The following ELAVL2 variants were observed in gnomAD, a reference collection of about 807,000 sequenced individuals.
ELAVL2 encodes ELAV-like protein 2.
A neutral mutation model predicts 34.6 loss-of-function variants in ELAVL2; 4 were observed. The ratio of observed to expected loss-of-function variants is 0.12; its 90% CI spans 0.06 to 0.26. The LOEUF (loss-of-function observed/expected upper bound fraction) is 0.26. ELAVL2 is among the 10% of genes least tolerant of loss of function. The probability of loss-of-function intolerance (pLI) is 1.00; values close to 1 mark genes in which losing one functional copy is unlikely to be tolerated. For missense variants in ELAVL2, 432 were observed against 442.8 expected (o/e 0.98, Z 0.22); for synonymous variants, 193 against 154.8 (o/e 1.25, Z -1.83).
chr9:23,735,763 G>A (rs1283135754), intron 2 of ELAVL2, among the ~76,000 whole-genome samples: 2 of 152,184 alleles, frequency 1.3e-5, no homozygotes, highest in African/African-American at 2.4e-5. Flanking sequence ...CCTGGCACAA[G>A]GAGAACAGTT....
At position 23,713,751 on chromosome 9, in the gene ELAVL2, G is replaced by C. The variant is rs576541225; in HGVS notation, c.334-8680C>G. ...CAGGTTCAAAAATATATTATACAAA[G>C]CAGAAGAGAATACACTGTAACTGGT... On this transcript the variant is annotated intron_variant, in intron 3 of 6. Transcript: ENST00000397312. Among the ~76,000 whole-genome samples the C allele has an allele frequency of 5.3e-4, 81 of 152,246 alleles. 1 individual carries two copies. Among genetic ancestry groups the C allele is most frequent in the African/African-American group, 1.9e-3 (80 of 41,552 alleles).
chr9:23,752,644 G>A (rs891057246), intron 2 of ELAVL2, among the ~76,000 whole-genome samples: 2 of 151,900 alleles, frequency 1.3e-5, no homozygotes, highest in East Asian at 1.9e-4. Context: ...TAGTAGAGAC[G>A]GGGTTTCACC....
At position 23,722,198 on chromosome 9, in the gene ELAVL2, G is replaced by A. The variant is rs1037293377; in HGVS notation, c.333+8824C>T. On this transcript the variant is annotated intron_variant, in intron 3 of 6. Transcript: ENST00000397312. Reference sequence around the variant, plus strand: ...ATCCATGCTTTTTTAAAGAGTCTACGCAAATTTAAAGAGAGACCAATGTTA... The same window carrying A: ...ATCCATGCTTTTTTAAAGAGTCTACACAAATTTAAAGAGAGACCAATGTTA... 5.9e-5 allele frequency among the ~76,000 whole-genome samples: 9 copies of A among 152,242 alleles called. No individual in the cohort carries two copies. The South Asian group carries it at 1.0e-3, about 18-fold the overall frequency.
intron 1 of ELAVL2, among the ~76,000 whole-genome samples, chr9:23,797,686 G>A (rs1308812287): frequency 5.3e-5 from 8 of 152,224 alleles, no homozygotes; most frequent in African/African-American, 1.9e-4. Context: ...CCAGTACTTT[G>A]GGAGGCTGAG....
At chr9:23,733,484 C>T (rs781438407) in intron 2 of ELAVL2, among the ~76,000 whole-genome samples, 9 of 152,174 alleles carry the variant, frequency 5.9e-5, no homozygotes, top group African/African-American at 1.4e-4. Context: ...GGGGCTACAA[C>T]GGGGCTGCTG....
intron 2 of ELAVL2, among the ~76,000 whole-genome samples, chr9:23,740,179 A>G (rs748087884): frequency 2.0e-5 from 3 of 152,178 alleles, no homozygotes; most frequent in Non-Finnish European, 2.9e-5. Context: ...GCCCATTCCC[A>G]CTGCCCCATA....
At chr9:23,707,490 G>C (rs12552940) in intron 3 of ELAVL2, among the ~76,000 whole-genome samples, 1 of 151,562 alleles carries the variant, frequency 6.6e-6, no homozygotes, top group Non-Finnish European at 1.5e-5. Context: ...ATGGGCTCCA[G>C]GGCAGGCATC....
intron 1 of ELAVL2, among the ~76,000 whole-genome samples, chr9:23,772,815 A>C (rs1254028314): frequency 2.6e-5 from 4 of 152,166 alleles, no homozygotes; most frequent in African/African-American, 9.7e-5. Context: ...TGAGATTCCC[A>C]AGACATGTAT....
chr9:23,727,127 C>T (rs1396265474), intron 3 of ELAVL2, among the ~76,000 whole-genome samples: 1 of 152,078 alleles, frequency 6.6e-6, no homozygotes, highest in Non-Finnish European at 1.5e-5. Flanking sequence ...ACTGGGGATA[C>T]TGTGGGCAGG....
intron 1 of ELAVL2, among the ~76,000 whole-genome samples, chr9:23,766,660 C>T (rs2056320142): frequency 6.6e-6 from 1 of 152,078 alleles, no homozygotes; most frequent in African/African-American, 2.4e-5. Context: ...TGCACTTTTA[C>T]ATTTCAAGCA....
At chr9:23,694,742 C>A (rs1001230886) in intron 5 of ELAVL2, among the ~76,000 whole-genome samples, 1 of 152,202 alleles carries the variant, frequency 6.6e-6, no homozygotes, top group African/African-American at 2.4e-5. Context: ...CACATCCCTG[C>A]CCTCAGTCTC....
At position 23,692,010 on chromosome 9, in the gene ELAVL2, C is replaced by G. The variant is rs958829873; in HGVS notation, c.*547G>C. ...ATAAGCGTTTATAATGTAGCCCCCC[C>G]TTCCCCAACCCAAATCATAATTACA... On this transcript the variant is annotated 3_prime_UTR_variant, in exon 7 of 7. Transcript: ENST00000397312. The G allele has an allele frequency of 1.3e-5, 2 of 152,896 alleles. No individual in the cohort carries two copies. The highest frequency in any genetic ancestry group is 2.9e-5 in the Non-Finnish European group (2 of 68,318). 9.5% of individuals were successfully genotyped at this position (152,896 alleles called of 1,614,324 possible).
At chr9:23,742,636 A>C (rs115010774) in intron 2 of ELAVL2, among the ~76,000 whole-genome samples, 7,432 of 152,238 alleles carry the variant, frequency 0.049, 573 homozygotes, top group African/African-American at 0.17. Flanking sequence ...GAAAATGTCC[A>C]CTGTAATTCC....
upstream of ELAVL2, among the ~76,000 whole-genome samples, chr9:23,828,730 A>T (rs2065407442): frequency 6.6e-6 from 1 of 152,172 alleles, no homozygotes; most frequent in Non-Finnish European, 1.5e-5. Flanking sequence ...TTAAAAAGTG[A>T]AAGTATCTTA....
chr9:23,699,579 G>C (rs926990440), intron 5 of ELAVL2, among the ~76,000 whole-genome samples: 1 of 152,042 alleles, frequency 6.6e-6, no homozygotes, highest in African/African-American at 2.4e-5. Flanking sequence ...AAGCTGCCTA[G>C]GAAATACCTG....
chr9:23,802,116 A>T (rs937859932), intron 1 of ELAVL2, among the ~76,000 whole-genome samples: 1 of 152,164 alleles, frequency 6.6e-6, no homozygotes, highest in African/African-American at 2.4e-5. Flanking sequence ...TGTCTACTTG[A>T]GCAACAAACT....
intron 2 of ELAVL2, chr9:23,735,641 A>G (rs933504153): frequency 4.6e-5 from 7 of 152,188 alleles, no homozygotes; most frequent in Admixed American, 6.5e-5. Flanking sequence ...TCTGTGCTGC[A>G]CTGTTGTGTA....
At chr9:23,784,738 G>A (rs977840574) in intron 1 of ELAVL2, among the ~76,000 whole-genome samples, 1 of 152,144 alleles carries the variant, frequency 6.6e-6, no homozygotes, top group South Asian at 2.1e-4. Flanking sequence ...GTGCAGAGGT[G>A]GGGCACAACC....
At chr9:23,764,064 T>C (rs1461356963) in intron 1 of ELAVL2, among the ~76,000 whole-genome samples, 3 of 152,146 alleles carry the variant, frequency 2.0e-5, no homozygotes, top group African/African-American at 7.2e-5. Flanking sequence ...AACATAACTG[T>C]TCTGGTTTGT....
Sources: allele counts gnomAD v4.1 joint callset (sites outside exome capture counted in the v4.1 genomes callset), GRCh38; gene constraint gnomAD v4.1.1; transcripts MANE v1.5; gene names NCBI Gene and HGNC (gene_info 2026-07-23, HGNC 2026-07-21).